Variants in LPL observed in about 807,000 individuals in gnomAD.
The protein encoded by LPL is phospholipase A1.
A neutral mutation model predicts 52.2 loss-of-function variants in LPL; 43 were observed. That is an observed-to-expected ratio of 0.82 (90% CI 0.64 to 1.06). The LOEUF (loss-of-function observed/expected upper bound fraction) is 1.06. LPL is among the 50% of genes least tolerant of loss of function. The pLI, the probability that LPL is intolerant of heterozygous loss-of-function variation, is 0.00. For synonymous variants in LPL, 244 were observed against 215.6 expected, an observed-to-expected ratio of 1.13 and a Z score of -1.15; for missense variants, 639 against 585.3, an observed-to-expected ratio of 1.09 and a Z score of -0.95.
At chr8:19,941,944 G>A (rs1270467558) in intron 1 of LPL, among the ~76,000 whole-genome samples, 1 of 152,190 alleles carries the variant, frequency 6.6e-6, no homozygotes, top group African/African-American at 2.4e-5. Context: ...GAGAGGGAGA[G>A]TATGGTCAGT....
At chr8:19,951,083 G>T (rs1033421926) in intron 2 of LPL, among the ~76,000 whole-genome samples, 1 of 152,184 alleles carries the variant, frequency 6.6e-6, no homozygotes, top group African/African-American at 2.4e-5. Context: ...GAAGGGAAAT[G>T]AGGAGGCTCT....
Position 19,944,914 on chromosome 8 carries a change from C to T in LPL, c.89-3266C>T, listed in dbSNP as rs1477899742. Reference sequence around the variant, plus strand: ...GACGAGGCCTGATGGGCAGGTGGTACGGTGATGCTAAGTTAAATTCAGAAT... The same window carrying T: ...GACGAGGCCTGATGGGCAGGTGGTATGGTGATGCTAAGTTAAATTCAGAAT... On this transcript the variant is annotated intron_variant, in intron 1 of 9. Transcript: ENST00000650287. This position sits in a 1 kb window ranked among gnomAD's most constrained non-coding sequence, Gnocchi z 4.2. Among the ~76,000 whole-genome samples, 3 of 152,134 alleles carry T rather than the reference C, an allele frequency of 2.0e-5. No individual in the cohort carries two copies. The highest frequency in any genetic ancestry group is 4.4e-5 in the Non-Finnish European group (3 of 68,046).
chr8:19,958,233 G>C (rs2070004900), intron 6 of LPL, among the ~76,000 whole-genome samples: 3 of 152,084 alleles, frequency 2.0e-5, no homozygotes, highest in Non-Finnish European at 4.4e-5. Flanking sequence ...TGTTGGCCAA[G>C]CTAGTCTCAA....
chr8:19,948,358 G>A lies in LPL; in HGVS notation c.249+18G>A, dbSNP rs530497424. 6.2e-7 allele frequency: 1 copy of A among 1,613,418 alleles called. No homozygotes were observed. ...GCTGGACGGTAAGGGAGGCTCTTTG[G>A]GGAAGAGTGGATTGGGGTGGTGAGG... On this transcript the variant is annotated intron_variant, in intron 2 of 9. Coordinates refer to ENST00000650287, the MANE Select transcript of LPL (RefSeq NM_000237.3).
At chr8:19,949,116 T>G (rs1290239609) in intron 2 of LPL, among the ~76,000 whole-genome samples, 1 of 152,196 alleles carries the variant, frequency 6.6e-6, no homozygotes, top group East Asian at 1.9e-4. Context: ...CAATCCCAAG[T>G]GAGTAGACTG....
At chr8:19,959,740 A>C (rs959665897) in intron 7 of LPL, among the ~76,000 whole-genome samples, 4 of 150,454 alleles carry the variant, frequency 2.7e-5, no homozygotes, top group Non-Finnish European at 5.9e-5. Flanking sequence ...TGTACAGAAA[A>C]TATAAGTAGT....
In LPL at chr8:19,956,042, G is replaced by C; in HGVS notation, c.977G>C (p.Ser326Thr). ...AATAAAGTCAGAGCCAAAAGAAGCA[G>C]CAAAATGTACCTGAAGACTCGTTCT... is the stretch of plus-strand genomic sequence containing the variant. ...EINKVRAKRS[S>T]KMYLKTRSQM... Residue 326 changes from serine to threonine, a missense_variant, in exon 6 of 10, where the codon AGC becomes ACC. Physicochemically the swap from Ser to Thr is moderately conservative, Grantham distance 58 (BLOSUM62 1). Coordinates refer to ENST00000650287, the MANE Select transcript of LPL (RefSeq NM_000237.3). The C allele has an allele frequency of 6.2e-7, 1 of 1,614,192 alleles. No homozygotes were observed. The highest frequency in any genetic ancestry group is 8.5e-7 in the Non-Finnish European group (1 of 1,180,034).
At position 19,948,360 on chromosome 8, in the gene LPL, G is replaced by A; in HGVS notation, c.249+20G>A. The A allele has an allele frequency of 6.2e-7, 1 of 1,613,480 alleles. No individual in the cohort carries two copies. Among genetic ancestry groups the A allele is most frequent in the East Asian group, 2.2e-5 (1 of 44,856 alleles). ...TGGACGGTAAGGGAGGCTCTTTGGG[G>A]AAGAGTGGATTGGGGTGGTGAGGTA... On this transcript the variant is annotated intron_variant, in intron 2 of 9. Coordinates refer to ENST00000650287, the MANE Select transcript of LPL (RefSeq NM_000237.3).
rs1480172140 is a variant in LPL at position 19,966,177 on chromosome 8, C to T, written c.*867C>T. The T allele has an allele frequency of 6.6e-6, 1 of 151,522 alleles. No homozygotes were observed. Among genetic ancestry groups the T allele is most frequent in the Non-Finnish European group, 1.5e-5 (1 of 67,936 alleles). 9.4% of individuals were successfully genotyped at this position (151,522 alleles called of 1,614,324 possible). On this transcript the variant is annotated 3_prime_UTR_variant, in exon 10 of 10. Coordinates refer to ENST00000650287, the MANE Select transcript of LPL (RefSeq NM_000237.3). ...ATTAGATTCTCCAAATGATTTTCAT[C>T]AATTTAAAATCATTCAATATCTGAC...
chr8:19,952,638 T>C (rs956598967), intron 3 of LPL, among the ~76,000 whole-genome samples: 1 of 152,222 alleles, frequency 6.6e-6, no homozygotes, highest in Non-Finnish European at 1.5e-5. Flanking sequence ...AGACTGATCA[T>C]AAAAGACAAA....
At position 19,953,305 on chromosome 8, in the gene LPL, C is replaced by T. The variant is rs2128837979; in HGVS notation, c.430-5C>T. The T allele has an allele frequency of 6.3e-7, 1 of 1,582,522 alleles. No individual in the cohort carries two copies. Among genetic ancestry groups the T allele is most frequent in the Non-Finnish European group, 8.7e-7 (1 of 1,151,390 alleles). ...AAGCACCTTCATTTTCTTTTTCTTC[C>T]AAAGGAGGAGTTTAACTACCCTCTG... is the stretch of plus-strand genomic sequence containing the variant. On this transcript the variant is annotated splice_polypyrimidine_tract_variant and splice_region_variant and intron_variant, in intron 3 of 9. Transcript: ENST00000650287.
At chr8:19,942,103 G>A (rs2069846179) in intron 1 of LPL, among the ~76,000 whole-genome samples, 1 of 152,202 alleles carries the variant, frequency 6.6e-6, no homozygotes, top group African/African-American at 2.4e-5. Flanking sequence ...TGTATTGAAA[G>A]GTGGGAGTCA....
intron 1 of LPL, among the ~76,000 whole-genome samples, chr8:19,940,384 C>T (rs925037990): frequency 6.6e-6 from 1 of 152,174 alleles, no homozygotes; most frequent in Non-Finnish European, 1.5e-5. Flanking sequence ...GCGCCCGGCC[C>T]CGCCGCGCGG....
rs371018077 is a variant in LPL at position 19,941,912 on chromosome 8, A to G, written c.88+2384A>G. Among the ~76,000 whole-genome samples the G allele has an allele frequency of 1.5e-4, 23 of 152,292 alleles. No individual in the cohort carries two copies. The East Asian group carries it at 3.1e-3, about 20-fold the overall frequency. Reference sequence around the variant, plus strand: ...CCACCACCATCTCTGCATGGCCCCAATTAGGAAACGTGAAGAGCTAGGAGA... The same window carrying G: ...CCACCACCATCTCTGCATGGCCCCAGTTAGGAAACGTGAAGAGCTAGGAGA... On this transcript the variant is annotated intron_variant, in intron 1 of 9. Transcript: ENST00000650287.
intron 1 of LPL, among the ~76,000 whole-genome samples, chr8:19,940,799 A>T (rs902410337): frequency 2.6e-5 from 4 of 152,242 alleles, no homozygotes; most frequent in Non-Finnish European, 5.9e-5. Flanking sequence ...AGGTTAAAAA[A>T]CAAAAAGTTG....
In LPL at chr8:19,943,270, C is replaced by T. The variant is rs549086079; in HGVS notation, c.88+3742C>T. 7.9e-5 allele frequency among the ~76,000 whole-genome samples: 12 copies of T among 152,100 alleles called. 1 individual carries two copies. Among genetic ancestry groups the T allele is most frequent in the East Asian group, 1.9e-4 (1 of 5,182 alleles). On this transcript the variant is annotated intron_variant, in intron 1 of 9. Coordinates refer to ENST00000650287, the MANE Select transcript of LPL (RefSeq NM_000237.3). ...AGTAGCATGAAAAGTCAGATGCTTTCGGAGGGATGGTGGTGAATGTAGGTA... is the reference window on the plus strand; with the variant it reads ...AGTAGCATGAAAAGTCAGATGCTTTTGGAGGGATGGTGGTGAATGTAGGTA...
rs1385188893 is a variant in LPL at position 19,961,120 on chromosome 8, C to T, written c.1322+37C>T. 3 of 1,592,292 alleles carry T rather than the reference C, an allele frequency of 1.9e-6. No individual in the cohort carries two copies. In the East Asian group the frequency reaches 6.7e-5, roughly 36 times the overall value. ...TATTTTTCTTCCTTCACTTTAGACC[C>T]CCACCTGATGTCAGGACCTAGGGGC... On this transcript the variant is annotated intron_variant, in intron 8 of 9. Transcript: ENST00000650287.
At chr8:19,940,149 G>A (rs1461741544) in intron 1 of LPL, among the ~76,000 whole-genome samples, 1 of 152,196 alleles carries the variant, frequency 6.6e-6, no homozygotes, top group Non-Finnish European at 1.5e-5. Flanking sequence ...CGCGTGGCGC[G>A]GAGTCCTGGG....
rs1337501192 is a variant in LPL, at chr8:19,939,621, G to C, written c.88+93G>C. On this transcript the variant is annotated intron_variant, in intron 1 of 9. Coordinates refer to ENST00000650287, the MANE Select transcript of LPL (RefSeq NM_000237.3). This position sits in a 1 kb window ranked among gnomAD's most constrained non-coding sequence, Gnocchi z 4.0. ...GGATGAGAAGAAGGAAGTTGGAAGG[G>C]GCGGTGGATGCGCCCAGGGACTCTC... 3.8e-6 allele frequency: 5 copies of C among 1,313,078 alleles called. No individual in the cohort carries two copies. The highest frequency in any genetic ancestry group is 5.3e-6 in the Non-Finnish European group (5 of 943,276). The allele number at this position is 1,313,078 out of a possible 1,614,324, so 81.3% of individuals were successfully genotyped here. A position where few individuals can be genotyped will look rare whatever the true frequency, so the allele number is the denominator to read the frequency against.
Sources: allele counts gnomAD v4.1 joint callset (sites outside exome capture counted in the v4.1 genomes callset), GRCh38; gene constraint gnomAD v4.1.1; non-coding constraint Gnocchi (gnomAD v3.1); transcripts MANE v1.5; gene names NCBI Gene and HGNC (gene_info 2026-07-23, HGNC 2026-07-21).